The following ROR1 variants were observed in gnomAD, a reference collection of about 807,000 sequenced individuals.
ROR1 encodes inactive tyrosine-protein kinase transmembrane receptor ROR1.
In ROR1, 19 loss-of-function variants were observed where a neutral mutation model predicts 78.8. The observed-to-expected ratio is 0.24, with a 90% confidence interval of 0.17 to 0.35. The LOEUF is 0.35. Ranked by LOEUF, ROR1 falls within the 10% of genes least tolerant of loss-of-function variation. ROR1 has a pLI of 1.00. For synonymous variants in ROR1, 386 were observed against 433.6 expected (o/e 0.89, Z 1.36); for missense variants, 917 against 1,177.8 (o/e 0.78, Z 3.24).
chr1:64,132,437 T>C (rs1648945698), intron 4 of ROR1, among the ~76,000 whole-genome samples: 1 of 152,042 alleles, frequency 6.6e-6, no homozygotes, highest in Admixed American at 6.6e-5. Flanking sequence ...GTCAGGAAAG[T>C]CCCTCTGCAT....
chr1:63,947,509 A>C (rs1337316706), intron 1 of ROR1, among the ~76,000 whole-genome samples: 1 of 152,148 alleles, frequency 6.6e-6, no homozygotes, highest in South Asian at 2.1e-4. Flanking sequence ...TTGGGTCTGC[A>C]TTGAAGCCTG....
At chr1:63,869,466 T>C (rs1645237763) in intron 1 of ROR1, among the ~76,000 whole-genome samples, 1 of 152,122 alleles carries the variant, frequency 6.6e-6, no homozygotes, top group Non-Finnish European at 1.5e-5. Flanking sequence ...CTTACTATTT[T>C]TTGTCAGGCC....
At chr1:64,076,794 T>C (rs1647053369) in intron 4 of ROR1, among the ~76,000 whole-genome samples, 1 of 152,264 alleles carries the variant, frequency 6.6e-6, no homozygotes, top group South Asian at 2.1e-4. Flanking sequence ...TTGGCAATTA[T>C]ATTTTGATAT....
At chr1:64,095,281 T>C (rs1161904733) in intron 4 of ROR1, 1 of 152,182 alleles carries the variant, frequency 6.6e-6, no homozygotes, top group Non-Finnish European at 1.5e-5. Context: ...TAGAACAAAA[T>C]GCTTTATATT....
chr1:63,821,332 A>G (rs912661405), intron 1 of ROR1, among the ~76,000 whole-genome samples: 9 of 152,180 alleles, frequency 5.9e-5, no homozygotes, highest in African/African-American at 1.7e-4. Flanking sequence ...TCGGTTTTCA[A>G]TGACTTCTCC....
intron 8 of ROR1, among the ~76,000 whole-genome samples, chr1:64,166,273 T>C (rs1275055063): frequency 6.6e-6 from 1 of 152,228 alleles, no homozygotes; most frequent in East Asian, 1.9e-4. Flanking sequence ...ACTGTAGCCC[T>C]GTAGTATAGT....
intron 1 of ROR1, among the ~76,000 whole-genome samples, chr1:63,855,905 C>T (rs1291038427): frequency 6.6e-6 from 1 of 152,022 alleles, no homozygotes; most frequent in Non-Finnish European, 1.5e-5. Context: ...GACCCGCCCA[C>T]CTCGGCCTCC....
At chr1:64,001,126 T>C (rs1448965194) in intron 1 of ROR1, among the ~76,000 whole-genome samples, 1 of 152,190 alleles carries the variant, frequency 6.6e-6, no homozygotes, top group Non-Finnish European at 1.5e-5. Context: ...AAATGTGGCA[T>C]GTCCATACCA....
chr1:63,931,033 A>G (rs553336247), intron 1 of ROR1, among the ~76,000 whole-genome samples: 43 of 152,284 alleles, frequency 2.8e-4, no homozygotes, highest in African/African-American at 9.9e-4. Context: ...TGTGATCCCA[A>G]CACCTGGGGA....
At chr1:64,124,465 C>T (rs769262610) in intron 4 of ROR1, among the ~76,000 whole-genome samples, 73 of 152,096 alleles carry the variant, frequency 4.8e-4, no homozygotes, top group Non-Finnish European at 9.3e-4. Flanking sequence ...CTTCTAGGCC[C>T]GGTTTTTTCC....
At chr1:63,983,248 G>A (rs1557594655) in intron 1 of ROR1, among the ~76,000 whole-genome samples, 1 of 151,994 alleles carries the variant, frequency 6.6e-6, no homozygotes. Flanking sequence ...AAGTCCGGAA[G>A]ACTCAGTGTG....
At chr1:63,807,037 T>G (rs973278870) in intron 1 of ROR1, among the ~76,000 whole-genome samples, 2 of 152,206 alleles carry the variant, frequency 1.3e-5, no homozygotes, top group African/African-American at 4.8e-5. Flanking sequence ...GTTTTAGATC[T>G]CACGGTTCTA....
At chr1:63,909,842 A>G (rs1322212483) in intron 1 of ROR1, among the ~76,000 whole-genome samples, 2 of 152,144 alleles carry the variant, frequency 1.3e-5, no homozygotes, top group African/African-American at 4.8e-5. Flanking sequence ...TTCCTGGCTT[A>G]TTTTAAAGCA....
intron 1 of ROR1, among the ~76,000 whole-genome samples, chr1:63,908,258 G>A (rs1645543573): frequency 6.6e-6 from 1 of 152,148 alleles, no homozygotes; most frequent in Non-Finnish European, 1.5e-5. Context: ...TCCCTCTAAA[G>A]TGCCAGAGTA....
intron 4 of ROR1, among the ~76,000 whole-genome samples, chr1:64,084,727 G>T (rs1020421176): frequency 6.6e-6 from 1 of 152,108 alleles, no homozygotes; most frequent in African/African-American, 2.4e-5. Context: ...TATGACTTAT[G>T]CCTGTTAATT....
Position 63,843,746 on chromosome 1 carries a change from C to T in ROR1, c.91+69238C>T, listed in dbSNP as rs1204530634. The T allele has an allele frequency of 2.4e-5, 10 of 424,190 alleles. No individual in the cohort carries two copies. In the East Asian group the frequency reaches 2.5e-4, roughly 11 times the overall value. 26.3% of individuals were successfully genotyped at this position (424,190 alleles called of 1,614,324 possible). On this transcript the variant is annotated intron_variant, in intron 1 of 8. Coordinates refer to ENST00000371079, the MANE Select transcript of ROR1 (RefSeq NM_005012.4). ...CCGCAGAAGACAAGAGCACTGCAGC[C>T]GCTGCTGGGACCCGACTGCACTCTG... is the stretch of plus-strand genomic sequence containing the variant.
chr1:64,110,577 G>C (rs969573564), intron 4 of ROR1: 1 of 151,972 alleles, frequency 6.6e-6, no homozygotes, highest in African/African-American at 2.4e-5. Flanking sequence ...AAGGAGGGTT[G>C]TTTCTGTTTG....
At chr1:64,153,742 G>A (rs148682768) in intron 7 of ROR1, among the ~76,000 whole-genome samples, 1 of 152,216 alleles carries the variant, frequency 6.6e-6, no homozygotes, top group Non-Finnish European at 1.5e-5. Flanking sequence ...TGTCAGGGCT[G>A]GGGGAAGGGG....
intron 1 of ROR1, among the ~76,000 whole-genome samples, chr1:63,777,333 G>T (rs1644623443): frequency 6.6e-6 from 1 of 152,186 alleles, no homozygotes; most frequent in Non-Finnish European, 1.5e-5. Flanking sequence ...TAGAATAGAA[G>T]TGTCTTGAAG....
Sources: gnomAD v4.1 joint callset for allele counts (sites outside exome capture counted in the v4.1 genomes callset) on GRCh38, gnomAD v4.1.1 for gene constraint, MANE v1.5 for transcripts, NCBI Gene and HGNC (gene_info 2026-07-23, HGNC 2026-07-21) for gene names.